FBXO8: variants seen among roughly 807,000 people sequenced by gnomAD.
The protein encoded by FBXO8 is F-box only protein 8.
A neutral mutation model predicts 33.4 loss-of-function variants in FBXO8; 15 were observed. The ratio of observed to expected loss-of-function variants is 0.45; its 90% CI spans 0.30 to 0.69. FBXO8 has a LOEUF of 0.69. Among genes scored for constraint, FBXO8 ranks in the 30% least tolerant of loss-of-function variants. The probability of loss-of-function intolerance (pLI) is 0.08; values close to 1 mark genes in which losing one functional copy is unlikely to be tolerated. For synonymous variants in FBXO8, 132 were observed against 131.5 expected, an observed-to-expected ratio of 1.00 and a Z score of -0.02; for missense variants, 274 against 380.3, an observed-to-expected ratio of 0.72 and a Z score of 2.32.
At chr4:174,271,563 C>A (rs181448856) in intron 1 of FBXO8, among the ~76,000 whole-genome samples, 59 of 152,146 alleles carry the variant, frequency 3.9e-4, no homozygotes, top group Admixed American at 9.2e-4. Context: ...GTACCCCAAC[C>A]CCTTTCCCTC....
At position 174,271,254 on chromosome 4, in the gene FBXO8, G is replaced by T. The variant is rs560864623; in HGVS notation, c.-8-8154C>A. Among the ~76,000 whole-genome samples the T allele has an allele frequency of 5.3e-5, 8 of 152,314 alleles. No homozygotes were observed. The South Asian group carries it at 1.4e-3, about 28-fold the overall frequency. ...GCCATGTAGAGAAAGACAGAGGATA[G>T]TCTGCAATCGTATGGAGAGGGAAGC... On this transcript the variant is annotated intron_variant, in intron 1 of 5. Transcript: ENST00000393674.
At chr4:174,276,093 C>T (rs1408559497) in intron 1 of FBXO8, among the ~76,000 whole-genome samples, 1 of 152,028 alleles carries the variant, frequency 6.6e-6, no homozygotes, top group African/African-American at 2.4e-5. Flanking sequence ...TAGAAAAATG[C>T]TTCTACTTAT....
chr4:174,272,111 T>G lies in FBXO8; in HGVS notation c.-8-9011A>C, dbSNP rs1288952548. Among the ~76,000 whole-genome samples the G allele has an allele frequency of 6.6e-6, 1 of 152,168 alleles. No homozygotes were observed. The highest frequency in any genetic ancestry group is 1.9e-4 in the East Asian group (1 of 5,194). ...ACAAAACAAAAGCAATGGGATAACG[T>G]CAAAAGGACATTAGGAGCTAATTTG... On this transcript the variant is annotated intron_variant, in intron 1 of 5. Transcript: ENST00000393674. This position sits in a 1 kb window ranked among gnomAD's most constrained non-coding sequence, Gnocchi z 4.7.
At position 174,274,141 on chromosome 4, in the gene FBXO8, G is replaced by A. The variant is rs147041593; in HGVS notation, c.-9+9269C>T. Among the ~76,000 whole-genome samples, 3 of 152,240 alleles carry A rather than the reference G, an allele frequency of 2.0e-5. No homozygotes were observed. The highest frequency in any genetic ancestry group is 7.2e-5 in the African/African-American group (3 of 41,542). On this transcript the variant is annotated intron_variant, in intron 1 of 5. Coordinates refer to ENST00000393674, the MANE Select transcript of FBXO8 (RefSeq NM_012180.3). The surrounding 1 kb of genome is among the most constrained non-coding windows in gnomAD (Gnocchi z 4.0). ...CCCGTCACTGTTTATTACCTCCATCGTTGGTCCCAGCTGCAGCTGCTCTTT... is the reference window on the plus strand; with the variant it reads ...CCCGTCACTGTTTATTACCTCCATCATTGGTCCCAGCTGCAGCTGCTCTTT...
rs1736487580 is a variant in FBXO8 at position 174,259,249 on chromosome 4, T to C, written c.456+450A>G. On this transcript the variant is annotated intron_variant, in intron 3 of 5. Transcript: ENST00000393674. The surrounding 1 kb of genome is among the most constrained non-coding windows in gnomAD (Gnocchi z 4.3). ...GGAATTATATTGTTAAAGGCATTAT[T>C]TGAAGACAACGTTTTGATTTGTCAG... Among the ~76,000 whole-genome samples, 1 of 152,120 alleles carries C rather than the reference T, an allele frequency of 6.6e-6. No homozygotes were observed. Among genetic ancestry groups the C allele is most frequent in the African/African-American group, 2.4e-5 (1 of 41,466 alleles).
chr4:174,244,751 A>G (rs1736119971), intron 3 of FBXO8, among the ~76,000 whole-genome samples: 1 of 151,772 alleles, frequency 6.6e-6, no homozygotes, highest in Admixed American at 6.6e-5. Context: ...ATATTTTTAA[A>G]AAATAGTTTT....
At position 174,261,686 on chromosome 4, in the gene FBXO8, G is replaced by A. The variant is rs1736567227; in HGVS notation, c.329+1078C>T. Among the ~76,000 whole-genome samples the A allele has an allele frequency of 6.6e-6, 1 of 151,920 alleles. No homozygotes were observed. Among genetic ancestry groups the A allele is most frequent in the Admixed American group, 6.6e-5 (1 of 15,246 alleles). ...AAGAATAACAAGATATGATATTGAT[G>A]ATTTTTATCTATTTAGAGGTTGAGA... On this transcript the variant is annotated intron_variant, in intron 2 of 5. Transcript: ENST00000393674. This position sits in a 1 kb window ranked among gnomAD's most constrained non-coding sequence, Gnocchi z 4.1.
chr4:174,268,515 T>C (rs1316304965), intron 1 of FBXO8, among the ~76,000 whole-genome samples: 1 of 152,124 alleles, frequency 6.6e-6, no homozygotes, highest in Non-Finnish European at 1.5e-5. Flanking sequence ...TCACTGCAAG[T>C]TCCGCCTCCC....
chr4:174,250,950 T>C (rs1736272032), intron 3 of FBXO8, among the ~76,000 whole-genome samples: 1 of 152,072 alleles, frequency 6.6e-6, no homozygotes, highest in Admixed American at 6.6e-5. Flanking sequence ...GGAAAAATAT[T>C]TGGGAGGTAT....
In FBXO8 at chr4:174,239,111, G is replaced by A. The variant is rs1265343503; in HGVS notation, c.655C>T (p.Arg219Cys). The change falls in exon 5 of 6, where the codon CGT becomes TGT. Residue 219 changes from arginine (R) to cysteine (C), a missense_variant. By Grantham distance (180) the Arg-to-Cys change is radical. Around this residue, in one of 2 missense-constraint regions of FBXO8, gnomAD observed 186 missense variants for 293.4 expected, o/e 0.63. Transcript: ENST00000393674. ...FLPNALREFF[R>C]HIHAPEERGE... ...CGCTCTTCAGGGGCATGGATATGAC[G>A]AAAAAATTCTCTCAGTGCATTTGGC... is the stretch of plus-strand genomic sequence containing the variant. The A allele has an allele frequency of 3.1e-6, 5 of 1,605,464 alleles. No homozygotes were observed. The highest frequency in any genetic ancestry group is 2.7e-5 in the African/African-American group (2 of 74,412).
At chr4:174,250,711 G>A (rs1469036284) in intron 3 of FBXO8, among the ~76,000 whole-genome samples, 1 of 152,132 alleles carries the variant, frequency 6.6e-6, no homozygotes, top group African/African-American at 2.4e-5. Context: ...AAAGCTGAAA[G>A]TAAGTTGATG....
Position 174,242,419 on chromosome 4 carries a change from T to C in FBXO8, c.457-1201A>G, listed in dbSNP as rs183952551. Among the ~76,000 whole-genome samples the C allele has an allele frequency of 5.9e-5, 9 of 151,720 alleles. No homozygotes were observed. In the East Asian group the frequency reaches 1.2e-3, roughly 20 times the overall value. ...ATGCTTTTGAAAGGTTATAATTATC[T>C]ATAAGTTGTAATTCAAAGATCAGAC... On this transcript the variant is annotated intron_variant, in intron 3 of 5. Coordinates refer to ENST00000393674, the MANE Select transcript of FBXO8 (RefSeq NM_012180.3).
chr4:174,250,553 A>G (rs561386023), intron 3 of FBXO8, among the ~76,000 whole-genome samples: 1 of 152,214 alleles, frequency 6.6e-6, no homozygotes, highest in South Asian at 2.1e-4. Context: ...AATCTTAGGA[A>G]TTTTGTTATA....
chr4:174,255,076 T>C lies in FBXO8; in HGVS notation c.456+4623A>G, dbSNP rs1198958050. 1.3e-5 allele frequency among the ~76,000 whole-genome samples: 2 copies of C among 152,204 alleles called. No homozygotes were observed. The highest frequency in any genetic ancestry group is 4.8e-5 in the African/African-American group (2 of 41,464). On this transcript the variant is annotated intron_variant, in intron 3 of 5. Transcript: ENST00000393674. The surrounding 1 kb of genome is among the most constrained non-coding windows in gnomAD (Gnocchi z 4.3). ...TTAACGGCTTTGAAAAGTTAGGCTGTAAATAAGCCAACTAATCATAATCTA... is the reference window on the plus strand; with the variant it reads ...TTAACGGCTTTGAAAAGTTAGGCTGCAAATAAGCCAACTAATCATAATCTA...
chr4:174,271,091 C>T (rs1736828223), intron 1 of FBXO8, among the ~76,000 whole-genome samples: 2 of 152,052 alleles, frequency 1.3e-5, no homozygotes, highest in Admixed American at 1.3e-4. Flanking sequence ...TTTATCACCT[C>T]TCTCTCCCAT....
At position 174,251,877 on chromosome 4, in the gene FBXO8, G is replaced by A. The variant is rs1023137770; in HGVS notation, c.456+7822C>T. On this transcript the variant is annotated intron_variant, in intron 3 of 5. Transcript: ENST00000393674. This position sits in a 1 kb window ranked among gnomAD's most constrained non-coding sequence, Gnocchi z 4.2. ...GGGGGAGCTACTTAAGCCATATTTG[G>A]TGAGGGACTCCTCTCACTGTCATCT... is the stretch of plus-strand genomic sequence containing the variant. 6.6e-6 allele frequency among the ~76,000 whole-genome samples: 1 copy of A among 152,134 alleles called. No homozygotes were observed. Among genetic ancestry groups the A allele is most frequent in the Non-Finnish European group, 1.5e-5 (1 of 68,008 alleles).
In FBXO8 at chr4:174,268,318, A is replaced by G. The variant is rs77990331; in HGVS notation, c.-8-5218T>C. Among the ~76,000 whole-genome samples, 1,416 of 152,342 alleles carry G rather than the reference A, an allele frequency of 9.3e-3. 31 individuals carry two copies. The highest frequency in any genetic ancestry group is 0.032 in the African/African-American group (1,324 of 41,586). Reference sequence around the variant, plus strand: ...CTGTGAACTCATGGCCAACCGCACTATAACTCAGGCTTGAATGAGGCTTAT... The same window carrying G: ...CTGTGAACTCATGGCCAACCGCACTGTAACTCAGGCTTGAATGAGGCTTAT... On this transcript the variant is annotated intron_variant, in intron 1 of 5. Coordinates refer to ENST00000393674, the MANE Select transcript of FBXO8 (RefSeq NM_012180.3).
intron 3 of FBXO8, among the ~76,000 whole-genome samples, chr4:174,248,972 A>T (rs1736225795): frequency 6.6e-6 from 1 of 152,038 alleles, no homozygotes; most frequent in Non-Finnish European, 1.5e-5. Context: ...GAGGTATAGG[A>T]CAGGTCTTCC....
rs1736145763 is a variant in FBXO8, at chr4:174,245,802, TGATA to T, written c.457-4588_457-4585del. 6.6e-6 allele frequency among the ~76,000 whole-genome samples: 1 copy of T among 151,892 alleles called. No homozygotes were observed. Among genetic ancestry groups the T allele is most frequent in the African/African-American group, 2.4e-5 (1 of 41,376 alleles). On this transcript the variant is annotated intron_variant, in intron 3 of 5. Coordinates refer to ENST00000393674, the MANE Select transcript of FBXO8 (RefSeq NM_012180.3). The surrounding 1 kb of genome is among the most constrained non-coding windows in gnomAD (Gnocchi z 4.6). ...ATATGTTACATATATGAAAATAACTTGATAAATATGCTGACTATCAAGCCATGTG... is the reference window on the plus strand; with the variant it reads ...ATATGTTACATATATGAAAATAACTTAATATGCTGACTATCAAGCCATGTG...
Sources: allele counts gnomAD v4.1 joint callset (sites outside exome capture counted in the v4.1 genomes callset), GRCh38; gene constraint gnomAD v4.1.1; regional missense constraint gnomAD v4.1.1; non-coding constraint Gnocchi (gnomAD v3.1); transcripts MANE v1.5; gene names NCBI Gene and HGNC (gene_info 2026-07-23, HGNC 2026-07-21).